Variants in SMARCD3 observed in about 807,000 individuals in gnomAD.
SMARCD3 encodes SWI/SNF related BAF chromatin remodeling complex subunit D3.
SMARCD3 carries 14 observed loss-of-function variants against 58.0 expected under a neutral mutation model. The ratio of observed to expected loss-of-function variants is 0.24; its 90% confidence interval spans 0.16 to 0.38. SMARCD3 has a LOEUF of 0.38. SMARCD3 is among the 10% of genes least tolerant of loss of function. The pLI is 1.00. For missense variants in SMARCD3, 408 were observed against 636.9 expected (o/e 0.64, Z 3.87); for synonymous variants, 253 against 253.8 (o/e 1.00, Z 0.03).
intron 2 of SMARCD3, among the ~76,000 whole-genome samples, chr7:151,264,226 T>C (rs889265023): frequency 6.6e-6 from 1 of 151,926 alleles, no homozygotes; most frequent in Non-Finnish European, 1.5e-5. Flanking sequence ...ACCTGGCTAA[T>C]TTTTATATTT....
At position 151,240,506 on chromosome 7, in the gene SMARCD3, C is replaced by T. The variant is rs765462133; in HGVS notation, c.956G>A (p.Arg319Gln). The T allele has an allele frequency of 4.5e-5, 73 of 1,613,144 alleles. No individual in the cohort carries two copies. Among genetic ancestry groups the T allele is most frequent in the Non-Finnish European group, 5.6e-5 (66 of 1,179,678 alleles). ...CTGGGGAATCTCAGAAAACTTCAGC[C>T]GGGGACAATCAAAAATCTGAAGCAG... Reference protein sequence around the residue: ...KYFQQIFDCPRLKFSEIPQRL... With the variant: ...KYFQQIFDCPQLKFSEIPQRL... The change falls in exon 9 of 13, where the codon CGG becomes CAG. Residue 319 changes from arginine to glutamine, a missense_variant. Physicochemically the swap from Arg to Gln is conservative, Grantham distance 43. Transcript: ENST00000262188.
chr7:151,242,004 T>C lies in SMARCD3; in HGVS notation c.676-26A>G, dbSNP rs112399062. Reference sequence around the variant, plus strand: ...CTGTCCAGGAGAGAAGAGCTGTGTCTCCCAAAGGCCCATCTGGAGTGGTGG... The same window carrying C: ...CTGTCCAGGAGAGAAGAGCTGTGTCCCCCAAAGGCCCATCTGGAGTGGTGG... On this transcript the variant is annotated intron_variant, in intron 6 of 12. Coordinates refer to ENST00000262188, the MANE Select transcript of SMARCD3 (RefSeq NM_001003801.2). This position sits in a 1 kb window ranked among gnomAD's most constrained non-coding sequence, Gnocchi z 4.7. The C allele has an allele frequency of 1.0e-4, 160 of 1,596,438 alleles. No homozygotes were observed. In the African/African-American group the frequency reaches 1.8e-3, roughly 18 times the overall value.
At chr7:151,274,025 C>A (rs1795257662) in intron 2 of SMARCD3, among the ~76,000 whole-genome samples, 1 of 152,250 alleles carries the variant, frequency 6.6e-6, no homozygotes, top group Admixed American at 6.5e-5. Flanking sequence ...CAGGCCTCCC[C>A]GAGCCTCAGG....
chr7:151,248,420 G>A lies in SMARCD3; in HGVS notation c.78+65C>T. 7.6e-7 allele frequency: 1 copy of A among 1,320,464 alleles called. No individual in the cohort carries two copies. Among genetic ancestry groups the A allele is most frequent in the Non-Finnish European group, 1.1e-6 (1 of 926,982 alleles). 81.8% of individuals were successfully genotyped at this position (1,320,464 alleles called of 1,614,324 possible). A position where few individuals can be genotyped will look rare whatever the true frequency, so the allele number is the denominator to read the frequency against. ...CGGGAGCGCCCTCCCGGCCCCTCCC[G>A]ATCAGCCCTCCATTCAGCCCGAGCC... On this transcript the variant is annotated intron_variant, in intron 1 of 12. Coordinates refer to ENST00000262188, the MANE Select transcript of SMARCD3 (RefSeq NM_001003801.2). This position sits in a 1 kb window ranked among gnomAD's most constrained non-coding sequence, Gnocchi z 6.1.
chr7:151,265,773 T>G (rs1267543055), intron 2 of SMARCD3, among the ~76,000 whole-genome samples: 1 of 152,188 alleles, frequency 6.6e-6, no homozygotes, highest in African/African-American at 2.4e-5. Context: ...TCAGTGGGTA[T>G]TTATCATCTT....
chr7:151,245,734 C>G lies in SMARCD3; in HGVS notation c.79-63G>C. On this transcript the variant is annotated intron_variant, in intron 1 of 12. Transcript: ENST00000262188. This position sits in a 1 kb window ranked among gnomAD's most constrained non-coding sequence, Gnocchi z 6.2. The stretch of plus-strand genomic sequence containing the variant: ...GTGGGTCAGACCAGGGCCCCCCGCT[C>G]CAGGCGCGGTGAGCCGGCGTCTCCC... 2 of 420,548 alleles carry G rather than the reference C, an allele frequency of 4.8e-6. No individual in the cohort carries two copies. The highest frequency in any genetic ancestry group is 8.0e-6 in the Non-Finnish European group (2 of 249,022). 26.1% of individuals were successfully genotyped at this position (420,548 alleles called of 1,614,324 possible).
Position 151,239,757 on chromosome 7 carries a change from A to C in SMARCD3, c.1174-11T>G. 6.2e-7 allele frequency: 1 copy of C among 1,613,644 alleles called. No individual in the cohort carries two copies. The stretch of plus-strand genomic sequence containing the variant: ...AATCGTCTCATGGATCTGCAGGTAG[A>C]AAGATAGATGCTTTCCACCTGGCTT... On this transcript the variant is annotated splice_polypyrimidine_tract_variant and intron_variant, in intron 10 of 12. Transcript: ENST00000262188. The surrounding 1 kb of genome is among the most constrained non-coding windows in gnomAD (Gnocchi z 7.0).
rs201483139 is a variant in SMARCD3 at position 151,240,278 on chromosome 7, C to T, written c.1038-31G>A. 6.7e-5 allele frequency: 103 copies of T among 1,544,488 alleles called. No homozygotes were observed. The East Asian group carries it at 1.4e-3, about 20-fold the overall frequency. On this transcript the variant is annotated intron_variant, in intron 9 of 12. Coordinates refer to ENST00000262188, the MANE Select transcript of SMARCD3 (RefSeq NM_001003801.2). ...AGGGAAGTCCAGCCCTTCGTGTCCA[C>T]GATGCCCCCATACGGCCCCAGGGCC...
At chr7:151,254,567 G>C (rs1428879858) in intron 2 of SMARCD3, 3 of 152,444 alleles carry the variant, frequency 2.0e-5, no homozygotes, top group Admixed American at 6.5e-5. Flanking sequence ...CTTCCACCCT[G>C]CCTGGTGTGG....
At chr7:151,254,966 G>A (rs2150604194) in intron 2 of SMARCD3, among the ~76,000 whole-genome samples, 1 of 152,326 alleles carries the variant, frequency 6.6e-6, no homozygotes, top group South Asian at 2.1e-4. Context: ...GCAGCGGGCA[G>A]TGGGATGTGT....
chr7:151,262,451 G>C (rs1803948162), intron 2 of SMARCD3, among the ~76,000 whole-genome samples: 1 of 152,218 alleles, frequency 6.6e-6, no homozygotes, highest in Non-Finnish European at 1.5e-5. Flanking sequence ...TTTGGGAACT[G>C]CTGGTAACGG....
rs1278025927 is a variant in SMARCD3, at chr7:151,238,833, G to A, written c.*270C>T. The A allele has an allele frequency of 2.4e-5, 37 of 1,516,772 alleles. No individual in the cohort carries two copies. The highest frequency in any genetic ancestry group is 3.2e-5 in the Non-Finnish European group (36 of 1,129,392). 94.0% of individuals were successfully genotyped at this position (1,516,772 alleles called of 1,614,324 possible). A position where few individuals can be genotyped will look rare whatever the true frequency, so the allele number is the denominator to read the frequency against. On this transcript the variant is annotated 3_prime_UTR_variant, in exon 13 of 13. Transcript: ENST00000262188. Reference sequence around the variant, plus strand: ...ATGTCTTCTGCCAAACTGTTTTTAGGTCTAGGGAAAATTGAGTAAGGAGAA... The same window carrying A: ...ATGTCTTCTGCCAAACTGTTTTTAGATCTAGGGAAAATTGAGTAAGGAGAA...
chr7:151,254,182 C>T (rs1162012804), intron 2 of SMARCD3: 1 of 152,314 alleles, frequency 6.6e-6, no homozygotes, highest in Non-Finnish European at 1.5e-5. Flanking sequence ...CACCCATCCC[C>T]ATAATATCCC....
rs1279182084 is a variant in SMARCD3 at position 151,245,848 on chromosome 7, C to T, written c.79-177G>A. On this transcript the variant is annotated intron_variant, in intron 1 of 12. Transcript: ENST00000262188. The surrounding 1 kb of genome is among the most constrained non-coding windows in gnomAD (Gnocchi z 6.2). ...GGAGGGGCAGGGGCGCCGGAATCTGCGCGGCTCTGGCGGAGGGGCTTGGCG... is the reference window on the plus strand; with the variant it reads ...GGAGGGGCAGGGGCGCCGGAATCTGTGCGGCTCTGGCGGAGGGGCTTGGCG... 8 of 382,140 alleles carry T rather than the reference C, an allele frequency of 2.1e-5. No homozygotes were observed. The Admixed American group carries it at 2.3e-4, about 11-fold the overall frequency. 23.7% of individuals were successfully genotyped at this position (382,140 alleles called of 1,614,324 possible). A position where few individuals can be genotyped will look rare whatever the true frequency, so the allele number is the denominator to read the frequency against.
chr7:151,252,634 T>G (rs570241391), upstream of SMARCD3, among the ~76,000 whole-genome samples: 6 of 152,222 alleles, frequency 3.9e-5, no homozygotes, highest in East Asian at 1.2e-3. Flanking sequence ...TCGGGGGACC[T>G]CTGGCTAGTC....
intron 1 of SMARCD3, among the ~76,000 whole-genome samples, chr7:151,247,793 G>A (rs1803343025): frequency 1.3e-5 from 2 of 151,874 alleles, no homozygotes; most frequent in Admixed American, 1.3e-4. Context: ...GTGCTCCCCT[G>A]TCCCTTCGGT....
Position 151,243,975 on chromosome 7 carries a change from G to A in SMARCD3, c.291-274C>T, listed in dbSNP as rs549904921. Among the ~76,000 whole-genome samples the A allele has an allele frequency of 2.5e-4, 38 of 152,350 alleles. No homozygotes were observed. Among genetic ancestry groups the A allele is most frequent in the Admixed American group, 7.2e-4 (11 of 15,302 alleles). Reference sequence around the variant, plus strand: ...AGAGAAATTTAGACAGGAGGGACTGGCTGGTGGGGGCGGTGCTGCCAAAAG... The same window carrying A: ...AGAGAAATTTAGACAGGAGGGACTGACTGGTGGGGGCGGTGCTGCCAAAAG... On this transcript the variant is annotated intron_variant, in intron 2 of 12. Coordinates refer to ENST00000262188, the MANE Select transcript of SMARCD3 (RefSeq NM_001003801.2). The surrounding 1 kb of genome is among the most constrained non-coding windows in gnomAD (Gnocchi z 4.4).
In SMARCD3 at chr7:151,240,092, G is replaced by C; in HGVS notation, c.1173+20C>G. The C allele has an allele frequency of 6.2e-7, 1 of 1,612,994 alleles. No homozygotes were observed. The highest frequency in any genetic ancestry group is 2.2e-5 in the East Asian group (1 of 44,820). On this transcript the variant is annotated intron_variant, in intron 10 of 12. Transcript: ENST00000262188. ...ATCTCTGGGTTAATGTCCCACTCCAGCTCTGGGCTTGGGCCCCACCTTACT... is the reference window on the plus strand; with the variant it reads ...ATCTCTGGGTTAATGTCCCACTCCACCTCTGGGCTTGGGCCCCACCTTACT...
Position 151,248,474 on chromosome 7 carries a change from C to G in SMARCD3, c.78+11G>C. Reference sequence around the variant, plus strand: ...TCGCTTGCCCTCCCCCGCTAACTTTCCCCCACTCACCACCCCATGGACCAG... The same window carrying G: ...TCGCTTGCCCTCCCCCGCTAACTTTGCCCCACTCACCACCCCATGGACCAG... On this transcript the variant is annotated intron_variant, in intron 1 of 12. Coordinates refer to ENST00000262188, the MANE Select transcript of SMARCD3 (RefSeq NM_001003801.2). This position sits in a 1 kb window ranked among gnomAD's most constrained non-coding sequence, Gnocchi z 6.1. The G allele has an allele frequency of 6.2e-7, 1 of 1,606,146 alleles. No homozygotes were observed.
Sources: allele counts gnomAD v4.1 joint callset (sites outside exome capture counted in the v4.1 genomes callset), GRCh38; gene constraint gnomAD v4.1.1; non-coding constraint Gnocchi (gnomAD v3.1); transcripts MANE v1.5; gene names NCBI Gene and HGNC (gene_info 2026-07-23, HGNC 2026-07-21).